The following SASH1 variants were observed in gnomAD, a reference collection of about 807,000 sequenced individuals.
SASH1 encodes SAM and SH3 domain containing 1.
Under a neutral mutation model 125.2 loss-of-function variants are expected in SASH1, and 44 were observed. That is an observed-to-expected ratio of 0.35 (90% confidence interval 0.28 to 0.45). The LOEUF is 0.45. Ranked by LOEUF, SASH1 falls within the 20% of genes least tolerant of loss-of-function variation. The pLI is 1.00. For synonymous variants in SASH1, 639 were observed against 649.1 expected, an observed-to-expected ratio of 0.98 and a Z score of 0.24; for missense variants, 1,426 against 1,614.5, an observed-to-expected ratio of 0.88 and a Z score of 2.00.
rs1780922386 is a variant in SASH1, at chr6:148,329,310, G to A, written n.74+56933G>A. Among the ~76,000 whole-genome samples the A allele has an allele frequency of 2.0e-5, 3 of 152,308 alleles. No homozygotes were observed. In the South Asian group the frequency reaches 6.2e-4, roughly 32 times the overall value. ...AGGGAAATGGTGCAGAAAATCTGGT[G>A]CCTGCTCACCCATATTAATATGTCT... is the stretch of plus-strand genomic sequence containing the variant. On this transcript the variant is annotated intron_variant and non_coding_transcript_variant, in intron 1 of 3. Transcript: ENST00000367469.
chr6:148,518,242 A>G lies in SASH1; in HGVS notation c.863-1305A>G, dbSNP rs114828722. ...CCTGCCTTTAAAGTCCCCCTGAAAG[A>G]TCCCTGAACAACTCTTCAGGGGACT... On this transcript the variant is annotated intron_variant, in intron 9 of 19. Coordinates refer to ENST00000367467, the MANE Select transcript of SASH1 (RefSeq NM_015278.5). Among the ~76,000 whole-genome samples, 938 of 152,182 alleles carry G rather than the reference A, an allele frequency of 6.2e-3. 13 individuals carry two copies. The highest frequency in any genetic ancestry group is 0.021 in the African/African-American group (887 of 41,502).
chr6:148,346,586 C>T lies in SASH1; in HGVS notation c.156+3363C>T, dbSNP rs537684270. ...CCAGTGCTCCTGACTTAACTGGGTGCTGAGAACATGGCTTTGTTGAAAGAA... is the reference window on the plus strand; with the variant it reads ...CCAGTGCTCCTGACTTAACTGGGTGTTGAGAACATGGCTTTGTTGAAAGAA... On this transcript the variant is annotated intron_variant, in intron 1 of 19. Transcript: ENST00000367467. Among the ~76,000 whole-genome samples the T allele has an allele frequency of 1.1e-4, 17 of 151,874 alleles. 1 individual carries two copies. The highest frequency in any genetic ancestry group is 8.5e-4 in the Admixed American group (13 of 15,268).
At chr6:148,238,309 C>T in the SASH1 span, among the ~76,000 whole-genome samples, 2 of 151,958 alleles carry the variant, frequency 1.3e-5, no homozygotes, top group Non-Finnish European at 2.9e-5. Flanking sequence ...CCACAACCTC[C>T]GCCTCCCAGG....
At chr6:148,360,644 G>C (rs113372014) in intron 1 of SASH1, among the ~76,000 whole-genome samples, 52,927 of 100,516 alleles carry the variant, frequency 0.53, 11,671 homozygotes, top group East Asian at 0.66. Context: ...CCACCCCCCC[G>C]CCAGGCTTTA....
intron 7 of SASH1, among the ~76,000 whole-genome samples, chr6:148,477,995 C>A (rs1181462412): frequency 1.3e-5 from 2 of 151,994 alleles, no homozygotes; most frequent in African/African-American, 4.8e-5. Flanking sequence ...CTGTGCCTGG[C>A]CTAAAATGGC....
chr6:148,514,894 C>T (rs1184510318), intron 9 of SASH1, among the ~76,000 whole-genome samples: 1 of 152,146 alleles, frequency 6.6e-6, no homozygotes, highest in Non-Finnish European at 1.5e-5. Context: ...CACCTAATAT[C>T]CCTTTAAATT....
rs543597911 is a variant in SASH1, at chr6:148,413,316, G to A, written c.285+23054G>A. ...TCCAAAGGGTATTGCTGCTGGCTGAGCAAAGACACTAAGTGTAGAAATGGA... is the reference window on the plus strand; with the variant it reads ...TCCAAAGGGTATTGCTGCTGGCTGAACAAAGACACTAAGTGTAGAAATGGA... On this transcript the variant is annotated intron_variant, in intron 2 of 19. Coordinates refer to ENST00000367467, the MANE Select transcript of SASH1 (RefSeq NM_015278.5). Among the ~76,000 whole-genome samples the A allele has an allele frequency of 2.6e-5, 4 of 152,284 alleles. No individual in the cohort carries two copies. In the East Asian group the frequency reaches 7.7e-4, roughly 29 times the overall value.
chr6:148,546,604 G>GT (rs1782588926), intron 19 of SASH1, among the ~76,000 whole-genome samples: 1 of 152,186 alleles, frequency 6.6e-6, no homozygotes, highest in Admixed American at 6.5e-5. Flanking sequence ...TAATAACAAT[G>GT]TATACTTGAA....
At chr6:148,455,681 T>C (rs1044400460) in intron 4 of SASH1, among the ~76,000 whole-genome samples, 2 of 152,182 alleles carry the variant, frequency 1.3e-5, no homozygotes, top group Non-Finnish European at 2.9e-5. Context: ...ATTTATAACA[T>C]ATACAAATTT....
At chr6:148,265,050 C>T in the SASH1 span, among the ~76,000 whole-genome samples, 1 of 152,150 alleles carries the variant, frequency 6.6e-6, no homozygotes, top group Non-Finnish European at 1.5e-5. Flanking sequence ...TCATTATTCT[C>T]TTTGTAGTAT....
rs377469079 is a variant in SASH1, at chr6:148,546,196, G to A, written c.3480+50G>A. 9.7e-5 allele frequency: 155 copies of A among 1,591,224 alleles called. 1 individual carries two copies. Among genetic ancestry groups the A allele is most frequent in the Non-Finnish European group, 1.2e-4 (144 of 1,168,382 alleles). ...TTCCTGAGGCACATTTAGTGATCACGCTTAGTGATGACCATACTAACAACT... is the reference window on the plus strand; with the variant it reads ...TTCCTGAGGCACATTTAGTGATCACACTTAGTGATGACCATACTAACAACT... On this transcript the variant is annotated intron_variant, in intron 19 of 19. Transcript: ENST00000367467.
intron 18 of SASH1, 37 bp from the exon 19 acceptor site, chr6:148,545,978 A>C: frequency 6.3e-7 from 1 of 1,599,744 alleles, no homozygotes; most frequent in Non-Finnish European, 8.5e-7. Flanking sequence ...CAAAATCCTT[A>C]TGACTCTTGA....
At position 148,450,691 on chromosome 6, in the gene SASH1, C is replaced by CT. The variant is rs10594605; in HGVS notation, c.386+10298dup. Among the ~76,000 whole-genome samples, 525 of 145,056 alleles carry CT rather than the reference C, an allele frequency of 3.6e-3. 3 individuals are homozygous for CT. The highest frequency in any genetic ancestry group is 0.016 in the East Asian group (78 of 4,988). Reference sequence around the variant, plus strand: ...GTGTGAATCTCTTATTATATGTTATCTTTTTTTTTTTTTTGTATAAACTCA... The same window carrying CT: ...GTGTGAATCTCTTATTATATGTTATCTTTTTTTTTTTTTTTGTATAAACTCA... On this transcript the variant is annotated intron_variant, in intron 4 of 19. Coordinates refer to ENST00000367467, the MANE Select transcript of SASH1 (RefSeq NM_015278.5).
the SASH1 span, among the ~76,000 whole-genome samples, chr6:148,222,712 A>G: frequency 2.0e-5 from 3 of 152,068 alleles, no homozygotes; most frequent in African/African-American, 7.2e-5. Flanking sequence ...TACTACCATT[A>G]TCTTATAAAT....
the SASH1 span, among the ~76,000 whole-genome samples, chr6:148,258,975 A>G: frequency 2.0e-5 from 3 of 152,184 alleles, no homozygotes; most frequent in Non-Finnish European, 4.4e-5. Flanking sequence ...TTTCACGTTG[A>G]CCTCAATGAA....
At chr6:148,511,496 G>A (rs1351175509) in intron 8 of SASH1, among the ~76,000 whole-genome samples, 1 of 152,030 alleles carries the variant, frequency 6.6e-6, no homozygotes, top group Non-Finnish European at 1.5e-5. Flanking sequence ...TTTGTGATTT[G>A]TCAGTGACAA....
At chr6:148,487,790 A>G (rs992101192) in intron 8 of SASH1, 75 bp downstream of exon 8, 3 of 1,138,884 alleles carry the variant, frequency 2.6e-6, no homozygotes, top group African/African-American at 3.1e-5. Context: ...TAGTCTTTGT[A>G]TTTCTTTTCG....
At chr6:148,386,426 G>C (rs1404901968) in intron 1 of SASH1, among the ~76,000 whole-genome samples, 1 of 152,170 alleles carries the variant, frequency 6.6e-6, no homozygotes, top group South Asian at 2.1e-4. Flanking sequence ...CGTGAAAGCT[G>C]GTTGTTTTAG....
chr6:148,472,516 G>A (rs1337241016), intron 6 of SASH1, among the ~76,000 whole-genome samples: 1 of 151,454 alleles, frequency 6.6e-6, no homozygotes, highest in South Asian at 2.1e-4. Flanking sequence ...GAAGGAGGAA[G>A]CCAACAGTTT....
Sources: gnomAD v4.1 joint callset for allele counts (sites outside exome capture counted in the v4.1 genomes callset) on GRCh38, gnomAD v4.1.1 for gene constraint, MANE v1.5 for transcripts, NCBI Gene and HGNC (gene_info 2026-07-23, HGNC 2026-07-21) for gene names.